Variants in ZCRB1 observed in about 807,000 individuals in gnomAD.
ZCRB1 encodes zinc finger CCHC-type and RNA-binding motif-containing protein 1.
Under a neutral mutation model 29.9 loss-of-function variants are expected in ZCRB1, and 21 were observed. The ratio of observed to expected loss-of-function variants is 0.70; its 90% CI spans 0.50 to 1.01. The LOEUF (loss-of-function observed/expected upper bound fraction) is 1.01, where lower values mean the gene tolerates loss of function less well. Ranked by LOEUF, ZCRB1 falls within the 50% of genes least tolerant of loss-of-function variation. The pLI is 0.00. For synonymous variants in ZCRB1, 77 were observed against 80.0 expected, an observed-to-expected ratio of 0.96 and a Z score of 0.20; for missense variants, 204 against 253.3, an observed-to-expected ratio of 0.81 and a Z score of 1.32.
At chr12:42,322,752 T>C (rs761425216) in intron 2 of ZCRB1, among the ~76,000 whole-genome samples, 8 of 152,210 alleles carry the variant, frequency 5.3e-5, no homozygotes, top group Non-Finnish European at 8.8e-5. Flanking sequence ...TCCTGAGGTA[T>C]ACCCATGGCA....
At chr12:42,315,822 T>C (rs2068592010) in intron 5 of ZCRB1, among the ~76,000 whole-genome samples, 1 of 152,214 alleles carries the variant, frequency 6.6e-6, no homozygotes. Context: ...TTCTAAAGTG[T>C]TTACTTAAGA....
intron 3 of ZCRB1, among the ~76,000 whole-genome samples, chr12:42,320,037 G>C (rs1455877685): frequency 2.7e-5 from 4 of 149,006 alleles, no homozygotes; most frequent in Non-Finnish European, 6.0e-5. Flanking sequence ...TGTGGTAACA[G>C]AAAAAAAAAA....
At chr12:42,320,647 CA>C (rs1389192584) in intron 3 of ZCRB1, among the ~76,000 whole-genome samples, 2 of 151,958 alleles carry the variant, frequency 1.3e-5, no homozygotes, top group Admixed American at 6.6e-5. Flanking sequence ...GGGGTTTCTC[CA>C]TGTTGGCCAG....
In ZCRB1 at chr12:42,325,947, G is replaced by C. The variant is rs886519011; in HGVS notation, c.-26C>G. ...ACCTTCAGGTGGGTTGGGCCTGGGA[G>C]ACCAGAAGAGTGCGAGCCCTCGGCT... is the stretch of plus-strand genomic sequence containing the variant. On this transcript the variant is annotated 5_prime_UTR_variant, in exon 1 of 8. Coordinates refer to ENST00000266529, the MANE Select transcript of ZCRB1 (RefSeq NM_033114.4). The C allele has an allele frequency of 2.6e-5, 4 of 152,322 alleles. No individual in the cohort carries two copies. Among genetic ancestry groups the C allele is most frequent in the African/African-American group, 7.2e-5 (3 of 41,468 alleles). The allele number at this position is 152,322 out of a possible 1,614,324, so 9.4% of individuals were successfully genotyped here.
intron 1 of ZCRB1, chr12:42,325,396 C>T (rs1228111864): frequency 6.6e-6 from 1 of 152,016 alleles, no homozygotes; most frequent in African/African-American, 2.4e-5. Context: ...TGCTTATTGC[C>T]AAATTATGAA....
At chr12:42,319,062 T>C (rs914243990) in intron 3 of ZCRB1, among the ~76,000 whole-genome samples, 2 of 152,152 alleles carry the variant, frequency 1.3e-5, no homozygotes, top group Non-Finnish European at 1.5e-5. Context: ...ACAGAAATAT[T>C]GAATAAGGTA....
intron 1 of ZCRB1, chr12:42,325,601 G>A (rs2068700815): frequency 6.6e-6 from 1 of 152,166 alleles, no homozygotes; most frequent in Admixed American, 6.5e-5. Context: ...GTGTGTATTT[G>A]AGATGGGAAG....
rs577607243 is a variant in ZCRB1 at position 42,322,817 on chromosome 12, T to C, written c.85-371A>G. Among the ~76,000 whole-genome samples, 26 of 152,354 alleles carry C rather than the reference T, an allele frequency of 1.7e-4. No homozygotes were observed. In the East Asian group the frequency reaches 3.9e-3, roughly 23 times the overall value. ...ACCTGTGCTTCAAATGTCAATCTTA[T>C]GGAGCAGCACTTTTCCAATTCTACC... On this transcript the variant is annotated intron_variant, in intron 2 of 7. Coordinates refer to ENST00000266529, the MANE Select transcript of ZCRB1 (RefSeq NM_033114.4).
intron 4 of ZCRB1, 94 bp downstream of exon 4, chr12:42,317,693 C>A: frequency 9.3e-7 from 1 of 1,079,926 alleles, no homozygotes; most frequent in South Asian, 1.4e-5. Flanking sequence ...CTGATATCTG[C>A]TAGACCTGAT....
chr12:42,322,428 T>C lies in ZCRB1; in HGVS notation c.103A>G (p.Lys35Glu). ...AATGTGAATACTTACTTTACAACTT[T>C]GCCATACTTGGAAAATATCTGAAAC... Reference protein sequence around the residue: ...DLYRIFSKYGKVVKVTIMKDK... With the variant: ...DLYRIFSKYGEVVKVTIMKDK... The change falls in exon 3 of 8, where the codon AAA becomes GAA. Residue 35 changes from lysine to glutamate, a missense_variant. Lys to Glu is a moderately conservative substitution (Grantham distance 56, BLOSUM62 1). Transcript: ENST00000266529. 6.7e-7 allele frequency: 1 copy of C among 1,488,736 alleles called. No homozygotes were observed. Among genetic ancestry groups the C allele is most frequent in the Non-Finnish European group, 9.1e-7 (1 of 1,102,008 alleles). The allele number at this position is 1,488,736 out of a possible 1,614,324, so 92.2% of individuals were successfully genotyped here.
rs1442718728 is a variant in ZCRB1 at position 42,312,341 on chromosome 12, A to G, written c.*726T>C. The G allele has an allele frequency of 6.6e-6, 1 of 152,160 alleles. No homozygotes were observed. The highest frequency in any genetic ancestry group is 1.5e-5 in the Non-Finnish European group (1 of 68,002). 9.4% of individuals were successfully genotyped at this position (152,160 alleles called of 1,614,324 possible). A position where few individuals can be genotyped will look rare whatever the true frequency, so the allele number is the denominator to read the frequency against. On this transcript the variant is annotated 3_prime_UTR_variant, in exon 8 of 8. Transcript: ENST00000266529. Reference sequence around the variant, plus strand: ...ACAATACATGGAAAAAAAATAGACAATTATTAACTCTAGGAAAAAACGTAA... The same window carrying G: ...ACAATACATGGAAAAAAAATAGACAGTTATTAACTCTAGGAAAAAACGTAA...
chr12:42,325,720 C>T (rs2068705242), intron 1 of ZCRB1: 1 of 152,202 alleles, frequency 6.6e-6, no homozygotes, highest in Non-Finnish European at 1.5e-5. Context: ...TAGAAAACTT[C>T]AGGAACTCAA....
In ZCRB1 at chr12:42,317,464, T is replaced by C. The variant is rs773553703; in HGVS notation, c.226-17A>G. 1.3e-6 allele frequency: 2 copies of C among 1,547,206 alleles called. No individual in the cohort carries two copies. The highest frequency in any genetic ancestry group is 1.8e-6 in the Non-Finnish European group (2 of 1,135,904). ...ACCAAATAACTAAACAAGAGAAAAA[T>C]GTAAATGTAGAATGTATTTCACTGA... On this transcript the variant is annotated splice_polypyrimidine_tract_variant and intron_variant, in intron 4 of 7. Transcript: ENST00000266529.
At position 42,312,439 on chromosome 12, in the gene ZCRB1, C is replaced by G. The variant is rs1488016954; in HGVS notation, c.*628G>C. On this transcript the variant is annotated 3_prime_UTR_variant, in exon 8 of 8. Transcript: ENST00000266529. Reference sequence around the variant, plus strand: ...TTAAAAAAGATATATATGGATTCCCCCAAATTTTTAATACAGCCACATTGG... The same window carrying G: ...TTAAAAAAGATATATATGGATTCCCGCAAATTTTTAATACAGCCACATTGG... The G allele has an allele frequency of 6.6e-6, 1 of 152,002 alleles. No individual in the cohort carries two copies. The highest frequency in any genetic ancestry group is 2.4e-5 in the African/African-American group (1 of 41,368). The allele number at this position is 152,002 out of a possible 1,614,324, so 9.4% of individuals were successfully genotyped here. A position where few individuals can be genotyped will look rare whatever the true frequency, so the allele number is the denominator to read the frequency against.
At chr12:42,320,074 T>C (rs1487517546) in intron 3 of ZCRB1, among the ~76,000 whole-genome samples, 2 of 152,040 alleles carry the variant, frequency 1.3e-5, no homozygotes, top group African/African-American at 4.8e-5. Flanking sequence ...AAAGGACAAA[T>C]CTACTGTGAC....
rs1408742684 is a variant in ZCRB1 at position 42,313,012 on chromosome 12, CT to C, written c.*54del. 1 of 1,469,748 alleles carries C rather than the reference CT, an allele frequency of 6.8e-7. No individual in the cohort carries two copies. The highest frequency in any genetic ancestry group is 2.4e-5 in the East Asian group (1 of 42,380). 91.0% of individuals were successfully genotyped at this position (1,469,748 alleles called of 1,614,324 possible). ...TTTCTTATTTTTATTAAAATTAGCTCTTCAAGATTGTTACTAACAAATCTTG... is the reference window on the plus strand; with the variant it reads ...TTTCTTATTTTTATTAAAATTAGCTCTCAAGATTGTTACTAACAAATCTTG... On this transcript the variant is annotated 3_prime_UTR_variant, in exon 8 of 8. Transcript: ENST00000266529.
At chr12:42,319,944 C>T (rs1250162552) in intron 3 of ZCRB1, among the ~76,000 whole-genome samples, 28 of 152,126 alleles carry the variant, frequency 1.8e-4, no homozygotes, top group Admixed American at 1.8e-3. Flanking sequence ...GTAGTTTTTA[C>T]CCTCAGGAGA....
Position 42,313,622 on chromosome 12 carries a change from T to C in ZCRB1, c.522+68A>G, listed in dbSNP as rs571163474. Reference sequence around the variant, plus strand: ...AGAGAGGTTGCCATGAGGTGATCAATGAAGTAAGCAAGCACTATAAACCAA... The same window carrying C: ...AGAGAGGTTGCCATGAGGTGATCAACGAAGTAAGCAAGCACTATAAACCAA... On this transcript the variant is annotated intron_variant, in intron 7 of 7. Coordinates refer to ENST00000266529, the MANE Select transcript of ZCRB1 (RefSeq NM_033114.4). 227 of 1,529,916 alleles carry C rather than the reference T, an allele frequency of 1.5e-4. 2 individuals are homozygous for C. In the South Asian group the frequency reaches 2.5e-3, roughly 17 times the overall value. The allele number at this position is 1,529,916 out of a possible 1,614,324, so 94.8% of individuals were successfully genotyped here.
At chr12:42,321,711 G>A (rs2068622559) in intron 3 of ZCRB1, among the ~76,000 whole-genome samples, 1 of 152,184 alleles carries the variant, frequency 6.6e-6, no homozygotes, top group African/African-American at 2.4e-5. Flanking sequence ...AATTAGCCAA[G>A]ATAAATATGC....
Sources: allele counts gnomAD v4.1 joint callset (sites outside exome capture counted in the v4.1 genomes callset), GRCh38; gene constraint gnomAD v4.1.1; transcripts MANE v1.5; gene names NCBI Gene and HGNC (gene_info 2026-07-23, HGNC 2026-07-21).